Variants in SEPTIN9 observed in about 807,000 individuals in gnomAD.
The protein encoded by SEPTIN9 is septin-9.
In SEPTIN9, 13 loss-of-function variants were observed where a neutral mutation model predicts 56.6. That is an observed-to-expected ratio of 0.23 (90% confidence interval 0.15 to 0.37). The LOEUF is 0.37. Among genes scored for constraint, SEPTIN9 ranks in the 10% least tolerant of loss-of-function variants. The pLI is 1.00. For missense variants in SEPTIN9, 650 were observed against 823.1 expected, an observed-to-expected ratio of 0.79 and a Z score of 2.57; for synonymous variants, 332 against 334.1, an observed-to-expected ratio of 0.99 and a Z score of 0.07.
At chr17:77,302,489 C>A (rs1301331346) in intron 1 of SEPTIN9, among the ~76,000 whole-genome samples, 1 of 152,028 alleles carries the variant, frequency 6.6e-6, no homozygotes, top group South Asian at 2.1e-4. Flanking sequence ...ACCAGCCTGG[C>A]CAACATGGTG....
rs946457183 is a variant in SEPTIN9, at chr17:77,449,825, C to T, written c.722-32319C>T. 2.0e-5 allele frequency among the ~76,000 whole-genome samples: 3 copies of T among 152,170 alleles called. No individual in the cohort carries two copies. Among genetic ancestry groups the T allele is most frequent in the African/African-American group, 4.8e-5 (2 of 41,418 alleles). On this transcript the variant is annotated intron_variant, in intron 3 of 11. Transcript: ENST00000427177. The surrounding 1 kb of genome is among the most constrained non-coding windows in gnomAD (Gnocchi z 4.6). Reference sequence around the variant, plus strand: ...GGGAGCTGTATTTTCTGAGTGGCCGCACTTCCTGGCCTAGACGTGTGTGTC... The same window carrying T: ...GGGAGCTGTATTTTCTGAGTGGCCGTACTTCCTGGCCTAGACGTGTGTGTC...
At chr17:77,466,377 A>G in intron 3 of SEPTIN9, 1 of 984,982 alleles carries the variant, frequency 1.0e-6, no homozygotes. Flanking sequence ...TACCATATGA[A>G]TGTAGCTCCT....
chr17:77,307,540 G>T lies in SEPTIN9; in HGVS notation c.76+343G>T, dbSNP rs571177460. Among the ~76,000 whole-genome samples, 6 of 152,192 alleles carry T rather than the reference G, an allele frequency of 3.9e-5. No individual in the cohort carries two copies. The East Asian group carries it at 9.7e-4, about 25-fold the overall frequency. ...GAGGGGACAGATGTGCCATGGACAG[G>T]TGGCTTTGGCCGTGAGCCTCTCGGT... On this transcript the variant is annotated intron_variant, in intron 2 of 11. Coordinates refer to ENST00000427177, the MANE Select transcript of SEPTIN9 (RefSeq NM_001113491.2).
chr17:77,381,604 TCCTCTGC>T (rs1459812293), intron 2 of SEPTIN9, among the ~76,000 whole-genome samples: 3 of 152,376 alleles, frequency 2.0e-5, no homozygotes, highest in African/African-American at 7.2e-5. Flanking sequence ...TTCTCCTCTG[TCCTCTGC>T]CTCTTGCCCC....
chr17:77,410,298 G>A (rs2036246728), intron 3 of SEPTIN9, among the ~76,000 whole-genome samples: 1 of 152,142 alleles, frequency 6.6e-6, no homozygotes, highest in Non-Finnish European at 1.5e-5. Context: ...AACCCAGAGT[G>A]GAGATTCCCG....
intron 2 of SEPTIN9, among the ~76,000 whole-genome samples, chr17:77,336,889 G>C (rs549936055): frequency 6.6e-6 from 1 of 151,612 alleles, no homozygotes; most frequent in African/African-American, 2.4e-5. Flanking sequence ...TTTTTAACAT[G>C]AATGGGTATG....
intron 3 of SEPTIN9, among the ~76,000 whole-genome samples, chr17:77,415,609 CA>C (rs2036472526): frequency 1.5e-5 from 2 of 133,326 alleles, no homozygotes; most frequent in Admixed American, 1.7e-4. Context: ...GCCTGGGTGA[CA>C]GAGTGAGACT....
At chr17:77,471,627 A>G (rs574576461) in intron 3 of SEPTIN9, among the ~76,000 whole-genome samples, 84 of 152,028 alleles carry the variant, frequency 5.5e-4, no homozygotes, top group South Asian at 2.1e-4. Context: ...GCCCTCCCCA[A>G]CCCCTGCTTA....
Position 77,487,656 on chromosome 17 carries a change from G to A in SEPTIN9, c.1042+104G>A. The A allele has an allele frequency of 1.1e-6, 1 of 883,088 alleles. No individual in the cohort carries two copies. The highest frequency in any genetic ancestry group is 1.6e-6 in the Non-Finnish European group (1 of 636,174). The allele number at this position is 883,088 out of a possible 1,614,324, so 54.7% of individuals were successfully genotyped here. A position where few individuals can be genotyped will look rare whatever the true frequency, so the allele number is the denominator to read the frequency against. ...ACACACAGTCAGTGGCCAGGGGCGG[G>A]CTGGGGGTGCAGGACTCCTCTGCCT... On this transcript the variant is annotated intron_variant, in intron 5 of 11. Transcript: ENST00000427177. This position sits in a 1 kb window ranked among gnomAD's most constrained non-coding sequence, Gnocchi z 4.3.
At chr17:77,378,791 C>T (rs2035030331) in intron 2 of SEPTIN9, among the ~76,000 whole-genome samples, 1 of 152,144 alleles carries the variant, frequency 6.6e-6, no homozygotes, top group Non-Finnish European at 1.5e-5. Context: ...ATGTTGGCTG[C>T]AGGTTCCTCT....
intron 2 of SEPTIN9, among the ~76,000 whole-genome samples, chr17:77,372,676 G>A (rs2034758406): frequency 6.6e-6 from 1 of 152,196 alleles, no homozygotes; most frequent in South Asian, 2.1e-4. Context: ...CCCGGACAGT[G>A]CCTTCTCCAG....
In SEPTIN9 at chr17:77,400,159, A is replaced by G. The variant is rs2035853759; in HGVS notation, c.77-1900A>G. Among the ~76,000 whole-genome samples the G allele has an allele frequency of 6.6e-6, 1 of 152,124 alleles. No homozygotes were observed. Among genetic ancestry groups the G allele is most frequent in the Non-Finnish European group, 1.5e-5 (1 of 68,030 alleles). On this transcript the variant is annotated intron_variant, in intron 2 of 11. Coordinates refer to ENST00000427177, the MANE Select transcript of SEPTIN9 (RefSeq NM_001113491.2). The surrounding 1 kb of genome is among the most constrained non-coding windows in gnomAD (Gnocchi z 4.1). ...GCCCAGCTAATTTTTTATTTTTAGT[A>G]AAGATGGGGTTTCACCACATCAGCC...
chr17:77,472,828 T>G (rs2039058886), intron 3 of SEPTIN9: 1 of 152,186 alleles, frequency 6.6e-6, no homozygotes, highest in Non-Finnish European at 1.5e-5. Context: ...GATTTGGAGT[T>G]AGTTAACAAA....
intron 3 of SEPTIN9, among the ~76,000 whole-genome samples, chr17:77,460,580 C>T (rs1335589282): frequency 1.3e-5 from 2 of 152,174 alleles, no homozygotes; most frequent in Non-Finnish European, 2.9e-5. Context: ...GGGCTTGGGC[C>T]TCTTCCAGAT....
rs138152236 is a variant in SEPTIN9, at chr17:77,473,968, C to G, written c.722-8176C>G. ...TTCTTTCTCTGAGGTCTGCTCACCT[C>G]TGCACGTGTGTCTAGTTTCCAGCCC... On this transcript the variant is annotated intron_variant, in intron 3 of 11. Transcript: ENST00000427177. 1.1e-4 allele frequency among the ~76,000 whole-genome samples: 17 copies of G among 152,370 alleles called. No homozygotes were observed. The East Asian group carries it at 3.3e-3, about 29-fold the overall frequency.
In SEPTIN9 at chr17:77,323,157, C is replaced by T. The variant is rs1293910903; in HGVS notation, c.76+15960C>T. On this transcript the variant is annotated intron_variant, in intron 2 of 11. Transcript: ENST00000427177. The surrounding 1 kb of genome is among the most constrained non-coding windows in gnomAD (Gnocchi z 6.8). ...GTCTGGCTCCGGTCTGGTTTGTGAA[C>T]GGGGGCCTGGGTACTCTCCCGCCCT... is the stretch of plus-strand genomic sequence containing the variant. 6.6e-6 allele frequency among the ~76,000 whole-genome samples: 1 copy of T among 152,068 alleles called. No homozygotes were observed. The highest frequency in any genetic ancestry group is 1.5e-5 in the Non-Finnish European group (1 of 68,010).
intron 11 of SEPTIN9, among the ~76,000 whole-genome samples, chr17:77,498,138 C>T (rs2143482662): frequency 6.6e-6 from 1 of 152,130 alleles, no homozygotes; most frequent in African/African-American, 2.4e-5. Context: ...CGGTGGTCAC[C>T]CACTGCTTCC....
At chr17:77,288,265 C>T (rs965217289) in intron 1 of SEPTIN9, 193 of 987,512 alleles carry the variant, frequency 2.0e-4, no homozygotes, top group Non-Finnish European at 2.2e-4. Flanking sequence ...TGACCTGTGA[C>T]GAGGCCTGCG....
In SEPTIN9 at chr17:77,302,460, A is replaced by C. The variant is rs181631718; in HGVS notation, c.20-4681A>C. Among the ~76,000 whole-genome samples, 4 of 152,202 alleles carry C rather than the reference A, an allele frequency of 2.6e-5. No homozygotes were observed. In the East Asian group the frequency reaches 7.7e-4, roughly 29 times the overall value. ...TTTGGGAGGCCAAGGTGGGAGGATC[A>C]CAAGGTCAGGAGTTCGAGACCAGCC... On this transcript the variant is annotated intron_variant, in intron 1 of 11. Transcript: ENST00000427177.
Sources: allele counts gnomAD v4.1 joint callset (sites outside exome capture counted in the v4.1 genomes callset), GRCh38; gene constraint gnomAD v4.1.1; non-coding constraint Gnocchi (gnomAD v3.1); transcripts MANE v1.5; gene names NCBI Gene and HGNC (gene_info 2026-07-23, HGNC 2026-07-21).